The following PHACTR1 variants were observed in gnomAD, a reference collection of about 807,000 sequenced individuals.
The protein encoded by PHACTR1 is RPEL repeat containing 1.
A neutral mutation model predicts 69.2 loss-of-function variants in PHACTR1; 16 were observed. The ratio of observed to expected loss-of-function variants is 0.23; its 90% CI spans 0.16 to 0.35. The LOEUF is 0.35. Among genes scored for constraint, PHACTR1 ranks in the 10% least tolerant of loss-of-function variants. The pLI is 1.00. For missense variants in PHACTR1, 510 were observed against 734.7 expected (o/e 0.69, Z 3.54); for synonymous variants, 312 against 284.5 (o/e 1.10, Z -0.97).
rs560133929 is a variant in PHACTR1, at chr6:13,065,063, A to AG, written c.415+11538dup. On this transcript the variant is annotated intron_variant, in intron 5 of 14. Transcript: ENST00000332995. The stretch of plus-strand genomic sequence containing the variant: ...TACACTGAAGAGGAGCAGATTTGTG[A>AG]GGGGAAAAGATGAATTTATTTGGGG... Among the ~76,000 whole-genome samples the AG allele has an allele frequency of 4.9e-4, 75 of 152,142 alleles. No homozygotes were observed. In the Middle Eastern group the frequency reaches 0.01, roughly 21 times the overall value.
At chr6:13,229,286 C>G (rs1027666158) in intron 9 of PHACTR1, among the ~76,000 whole-genome samples, 1 of 152,186 alleles carries the variant, frequency 6.6e-6, no homozygotes, top group Non-Finnish European at 1.5e-5. Flanking sequence ...GCACCCTCTG[C>G]CTGCCACCTT....
chr6:12,950,427 A>G (rs1791150344), intron 4 of PHACTR1, among the ~76,000 whole-genome samples: 1 of 152,230 alleles, frequency 6.6e-6, no homozygotes, highest in Admixed American at 6.5e-5. Context: ...TCAGAGAGAG[A>G]GGAATTAGAT....
chr6:13,071,545 A>T (rs1809523877), intron 5 of PHACTR1, among the ~76,000 whole-genome samples: 1 of 152,180 alleles, frequency 6.6e-6, no homozygotes, highest in Non-Finnish European at 1.5e-5. Context: ...AAATCAAATT[A>T]GCACAAAGCT....
intron 4 of PHACTR1, among the ~76,000 whole-genome samples, chr6:13,047,565 A>G (rs966011383): frequency 2.0e-5 from 3 of 152,028 alleles, no homozygotes; most frequent in South Asian, 4.2e-4. Flanking sequence ...ACGTTCTGTT[A>G]TTGAGTTCAC....
chr6:12,945,810 A>G (rs1176030399), intron 4 of PHACTR1, among the ~76,000 whole-genome samples: 3 of 151,852 alleles, frequency 2.0e-5, no homozygotes, highest in African/African-American at 7.3e-5. Flanking sequence ...CTAAAAATAC[A>G]AAAATTACCC....
intron 5 of PHACTR1, among the ~76,000 whole-genome samples, chr6:13,149,250 A>G (rs76222129): frequency 3.0e-4 from 46 of 152,272 alleles, no homozygotes; most frequent in African/African-American, 1.1e-3. Flanking sequence ...AAAGGGTCAT[A>G]TTGTCCAACG....
intron 4 of PHACTR1, among the ~76,000 whole-genome samples, chr6:12,916,974 C>T (rs939943652): frequency 1.3e-5 from 2 of 152,274 alleles, no homozygotes; most frequent in African/African-American, 4.8e-5. Context: ...TGTAGTGCTT[C>T]ACTCATGCTC....
chr6:13,172,825 C>T lies in PHACTR1; in HGVS notation c.497-9694C>T, dbSNP rs114836391. Among the ~76,000 whole-genome samples, 355 of 152,354 alleles carry T rather than the reference C, an allele frequency of 2.3e-3. 4 individuals are homozygous for T. Among genetic ancestry groups the T allele is most frequent in the African/African-American group, 8.2e-3 (340 of 41,582 alleles). On this transcript the variant is annotated intron_variant, in intron 6 of 14. Transcript: ENST00000332995. ...GTGTGAAAATATCCACTCCAAGTAACACAGAATCAATTAAATTCTGAGAAT... is the reference window on the plus strand; with the variant it reads ...GTGTGAAAATATCCACTCCAAGTAATACAGAATCAATTAAATTCTGAGAAT...
intron 5 of PHACTR1, among the ~76,000 whole-genome samples, chr6:13,065,264 G>A (rs759691807): frequency 6.6e-6 from 1 of 152,082 alleles, no homozygotes; most frequent in Non-Finnish European, 1.5e-5. Context: ...AAGCAAAGTC[G>A]AGGGTACAGT....
At position 13,246,582 on chromosome 6, in the gene PHACTR1, A is replaced by G. The variant is rs1399385813; in HGVS notation, c.1391+16389A>G. 6.6e-6 allele frequency among the ~76,000 whole-genome samples: 1 copy of G among 152,192 alleles called. No homozygotes were observed. Among genetic ancestry groups the G allele is most frequent in the Non-Finnish European group, 1.5e-5 (1 of 68,028 alleles). The stretch of plus-strand genomic sequence containing the variant: ...TAATCATGTATACTTATTAAGAATT[A>G]TCTGTTCTTTGTTTCAGTGGTGAAG... On this transcript the variant is annotated intron_variant, in intron 10 of 14. Coordinates refer to ENST00000332995, the MANE Select transcript of PHACTR1 (RefSeq NM_030948.6). The surrounding 1 kb of genome is among the most constrained non-coding windows in gnomAD (Gnocchi z 4.2).
chr6:13,070,596 T>C (rs1809354722), intron 5 of PHACTR1, among the ~76,000 whole-genome samples: 1 of 152,166 alleles, frequency 6.6e-6, no homozygotes, highest in Non-Finnish European at 1.5e-5. Flanking sequence ...CTTGGAAACA[T>C]CACAGTTACC....
intron 5 of PHACTR1, among the ~76,000 whole-genome samples, chr6:13,076,957 G>A (rs567432374): frequency 6.3e-4 from 72 of 113,478 alleles, no homozygotes; most frequent in African/African-American, 2.4e-3. Flanking sequence ...GGTGGGGGGA[G>A]GGGGGAGGGA....
intron 4 of PHACTR1, among the ~76,000 whole-genome samples, chr6:12,780,680 T>C (rs543799354): frequency 6.6e-6 from 1 of 152,222 alleles, no homozygotes; most frequent in Non-Finnish European, 1.5e-5. Context: ...TTTTGTAAGC[T>C]GCCTGCCCTG....
At chr6:12,739,992 T>C (rs969537959) in intron 3 of PHACTR1, among the ~76,000 whole-genome samples, 1 of 152,210 alleles carries the variant, frequency 6.6e-6, no homozygotes, top group Admixed American at 6.5e-5. Context: ...AAGATTTCCT[T>C]GTGCTCCGTC....
chr6:13,139,225 C>CT (rs1226952080), intron 5 of PHACTR1, among the ~76,000 whole-genome samples: 1 of 150,844 alleles, frequency 6.6e-6, no homozygotes, highest in African/African-American at 2.4e-5. Context: ...GGTTAACAAA[C>CT]TATGACCCAT....
At chr6:12,931,664 C>T (rs575970822) in intron 4 of PHACTR1, among the ~76,000 whole-genome samples, 134 of 151,956 alleles carry the variant, frequency 8.8e-4, no homozygotes, top group African/African-American at 3.0e-3. Flanking sequence ...AATTAAACAG[C>T]GGTGATAGTC....
At chr6:12,758,309 G>T (rs905629714) in intron 4 of PHACTR1, among the ~76,000 whole-genome samples, 2 of 151,600 alleles carry the variant, frequency 1.3e-5, no homozygotes, top group Admixed American at 6.6e-5. Context: ...CGGTGTGGGG[G>T]CACACACCTG....
In PHACTR1 at chr6:13,287,145, G is replaced by T. The variant is rs1781851746; in HGVS notation, c.*67G>T. 2 of 1,438,462 alleles carry T rather than the reference G, an allele frequency of 1.4e-6. No homozygotes were observed. Among genetic ancestry groups the T allele is most frequent in the Admixed American group, 4.1e-5 (2 of 48,972 alleles). The allele number at this position is 1,438,462 out of a possible 1,614,324, so 89.1% of individuals were successfully genotyped here. On this transcript the variant is annotated 3_prime_UTR_variant, in exon 15 of 15. Coordinates refer to ENST00000332995, the MANE Select transcript of PHACTR1 (RefSeq NM_030948.6). ...AAATTTATAAGAACCATAAGTGCTG[G>T]TATTTATTCACTTCCCCATTACGAT...
chr6:12,949,822 T>TAC (rs745872568), intron 4 of PHACTR1, among the ~76,000 whole-genome samples: 10 of 152,086 alleles, frequency 6.6e-5, no homozygotes, highest in Non-Finnish European at 1.2e-4. Flanking sequence ...CTCATACCAC[T>TAC]ACACACACAC....
Sources: allele counts gnomAD v4.1 joint callset (sites outside exome capture counted in the v4.1 genomes callset), GRCh38; gene constraint gnomAD v4.1.1; non-coding constraint Gnocchi (gnomAD v3.1); transcripts MANE v1.5; gene names NCBI Gene and HGNC (gene_info 2026-07-23, HGNC 2026-07-21).